Variants in GCM2 observed in about 807,000 individuals in gnomAD.
The protein encoded by GCM2 is chorion-specific transcription factor GCMb.
Under a neutral mutation model 24.8 loss-of-function variants are expected in GCM2, and 21 were observed. The observed-to-expected ratio is 0.85, with a 90% confidence interval of 0.60 to 1.22. The LOEUF is 1.22. Ranked by LOEUF, GCM2 falls within the 50% of genes most tolerant of loss-of-function variation. The pLI, the probability that GCM2 is intolerant of heterozygous loss-of-function variation, is 0.00. For synonymous variants in GCM2, 222 were observed against 238.0 expected (o/e 0.93, Z 0.62); for missense variants, 532 against 645.6 (o/e 0.82, Z 1.91).
At chr6:10,876,202 G>A (rs1779875015) in intron 3 of GCM2, among the ~76,000 whole-genome samples, 186 bp from the exon 4 acceptor site, 1 of 152,104 alleles carries the variant, frequency 6.6e-6, no homozygotes, top group African/African-American at 2.4e-5. Context: ...AAGATCACCT[G>A]CAATCCCTTC....
rs375257444 is a variant in GCM2, at chr6:10,874,417, T to G, written c.1099A>C (p.Arg367=). ...CCTGGTGGTGGAGTCGTGAGGTACC[T>G]GCAGGGAAGCTCTGGGTTATAATAA... The part of the protein sequence containing the change: ...RPYYNPELPC[R]YLTTPPPGAP... Residue 367 remains arginine, a synonymous_variant, in exon 5 of 5, where the codon AGG becomes CGG. Coordinates refer to ENST00000379491, the MANE Select transcript of GCM2 (RefSeq NM_004752.4). 4 of 1,614,078 alleles carry G rather than the reference T, an allele frequency of 2.5e-6. No individual in the cohort carries two copies. Among genetic ancestry groups the G allele is most frequent in the African/African-American group, 1.3e-5 (1 of 74,938 alleles).
At position 10,874,351 on chromosome 6, in the gene GCM2, C is replaced by T; in HGVS notation, c.1165G>A (p.Val389Met). ...GGGGGCTGGTAGGCCTGGTAGGACA[C>T]TTTAGTGGTGGTGGTGATCACGGTT... The part of the protein sequence containing the change: ...LQTVITTTTK[V>M]SYQAYQPPAM... The change falls in exon 5 of 5, where the codon GTG becomes ATG. Residue 389 changes from valine (V) to methionine (M), a missense_variant. Around this residue, in one of 3 missense-constraint regions of GCM2, gnomAD observed 434 missense variants for 521.9 expected, o/e 0.83. Coordinates refer to ENST00000379491, the MANE Select transcript of GCM2 (RefSeq NM_004752.4). 1 of 1,612,558 alleles carries T rather than the reference C, an allele frequency of 6.2e-7. No individual in the cohort carries two copies.
rs1054175807 is a variant in GCM2 at position 10,874,172 on chromosome 6, C to G, written c.1344G>C (p.Met448Ile). The G allele has an allele frequency of 3.1e-6, 5 of 1,614,080 alleles. No homozygotes were observed. The Admixed American group carries it at 8.3e-5, about 27-fold the overall frequency. The change falls in exon 5 of 5, where the codon ATG becomes ATC. Residue 448 changes from methionine (M) to isoleucine (I), a missense_variant. By Grantham distance (10) the Met-to-Ile change is conservative. Around this residue, in one of 3 missense-constraint regions of GCM2, gnomAD observed 434 missense variants for 521.9 expected, o/e 0.83. Transcript: ENST00000379491. ...RAASPSGPPP[M>I]KIAGDCRAIR... ...TGGCCCGGCAATCTCCTGCAATTTTCATAGGAGGTGGCCCTGAAGGAGAGG... is the reference window on the plus strand; with the variant it reads ...TGGCCCGGCAATCTCCTGCAATTTTGATAGGAGGTGGCCCTGAAGGAGAGG...
intron 4 of GCM2, 58 bp downstream of exon 4, chr6:10,875,833 A>G: frequency 1.3e-6 from 2 of 1,559,724 alleles, no homozygotes; most frequent in Non-Finnish European, 1.8e-6. Flanking sequence ...CATAACGATC[A>G]GCGTATCTTG....
chr6:10,881,721 C>T lies in GCM2; in HGVS notation c.73G>A (p.Asp25Asn). Residue 25 changes from aspartate (D) to asparagine (N), a missense_variant, in exon 1 of 5, where the codon GAT (aspartate) becomes AAT (asparagine). By Grantham distance (23) the Asp-to-Asn change is conservative. Transcript: ENST00000379491. ...YGMQLSWDINDPQMPQELALF... is the reference protein window; with the variant it reads ...YGMQLSWDINNPQMPQELALF... ...TCACTTACCTGAGGCATCTGCGGAT[C>T]GTTGATGTCCCAGCTGAGCTGCATC... 6.2e-7 allele frequency: 1 copy of T among 1,611,784 alleles called. No individual in the cohort carries two copies. Among genetic ancestry groups the T allele is most frequent in the East Asian group, 2.2e-5 (1 of 44,874 alleles).
chr6:10,876,328 T>C (rs1779876698), intron 3 of GCM2, 117 bp downstream of exon 3: 1 of 764,560 alleles, frequency 1.3e-6, no homozygotes, highest in African/African-American at 1.7e-5. Flanking sequence ...CACCTATTTC[T>C]GGCCACTGGG....
chr6:10,879,507 G>C (rs1378659764), intron 1 of GCM2, among the ~76,000 whole-genome samples: 2 of 152,200 alleles, frequency 1.3e-5, no homozygotes. Context: ...CACTGAACCT[G>C]ATCGTAGACC....
chr6:10,874,115 T>C lies in GCM2; in HGVS notation c.1401A>G (p.Pro467=), dbSNP rs567065650. The C allele has an allele frequency of 1.9e-6, 3 of 1,614,206 alleles. No homozygotes were observed. Among genetic ancestry groups the C allele is most frequent in the Admixed American group, 3.3e-5 (2 of 60,018 alleles). Residue 467 remains proline, a synonymous_variant, in exon 5 of 5, where the codon CCA becomes CCG. Coordinates refer to ENST00000379491, the MANE Select transcript of GCM2 (RefSeq NM_004752.4). ...IRPTVAIPHE[P]VSSRTDEAET... ...CTGCTTCATCTGTCCTAGAGGAAAC[T>C]GGCTCGTGGGGAATAGCCACAGTGG...
At chr6:10,881,554 ATGTGTGTGTGTGTGTGTGTGTGTGTGTG>A (rs35911329) in intron 1 of GCM2, 122 bp downstream of exon 1, 16 of 430,814 alleles carry the variant, frequency 3.7e-5, no homozygotes, top group South Asian at 1.5e-4. Context: ...TTTTGCGGGT[ATGTGTGTGTGTGTGTGTGTGTGTGTGTG>A]TGTGTGTGTG....
intron 4 of GCM2, 128 bp downstream of exon 4, chr6:10,875,763 G>T: frequency 2.2e-6 from 2 of 918,366 alleles, no homozygotes; most frequent in Non-Finnish European, 3.5e-6. Context: ...TTTTGTTACA[G>T]ACGTATAATT....
intron 1 of GCM2, among the ~76,000 whole-genome samples, 135 bp downstream of exon 1, chr6:10,881,549 CGGGTATGTGTGTGTGTGTGT>C (rs1779957251): frequency 7.4e-6 from 1 of 134,410 alleles, no homozygotes; most frequent in African/African-American, 2.9e-5. Flanking sequence ...AGAAATTTTG[CGGGTATGTGTGTGTGTGTGT>C]GTGTGTGTGT....
At chr6:10,878,615 G>A (rs1213249237) in intron 1 of GCM2, among the ~76,000 whole-genome samples, 1 of 152,150 alleles carries the variant, frequency 6.6e-6, no homozygotes, top group African/African-American at 2.4e-5. Context: ...ACCATGCCCG[G>A]CCACTGAGCA....
intron 1 of GCM2, among the ~76,000 whole-genome samples, chr6:10,878,061 A>G (rs1581806481): frequency 6.6e-6 from 1 of 152,292 alleles, no homozygotes; most frequent in East Asian, 1.9e-4. Flanking sequence ...AGGGTACTGC[A>G]ATGAGGGACT....
At chr6:10,881,051 C>A (rs1312930671) in intron 1 of GCM2, among the ~76,000 whole-genome samples, 1 of 152,222 alleles carries the variant, frequency 6.6e-6, no homozygotes, top group Non-Finnish European at 1.5e-5. Flanking sequence ...GCGTCCCGCT[C>A]TCCCCAAGAC....
chr6:10,881,951 T>C lies in GCM2; in HGVS notation c.-158A>G. ...GAGAAAGAGAGAGAGGCTGTTTAGA[T>C]ATCTGGAAGCTGGGGACAATGGTTA... is the stretch of plus-strand genomic sequence containing the variant. On this transcript the variant is annotated 5_prime_UTR_variant, in exon 1 of 5. It adds an upstream start codon to the 5' untranslated region. Coordinates refer to ENST00000379491, the MANE Select transcript of GCM2 (RefSeq NM_004752.4). The C allele has an allele frequency of 1.5e-6, 1 of 682,464 alleles. No homozygotes were observed. The allele number at this position is 682,464 out of a possible 1,614,324, so 42.3% of individuals were successfully genotyped here.
chr6:10,873,882 T>TG lies in GCM2; in HGVS notation c.*112dup, dbSNP rs1779837551. 2.5e-6 allele frequency: 2 copies of TG among 809,428 alleles called. No homozygotes were observed. The highest frequency in any genetic ancestry group is 4.2e-6 in the Non-Finnish European group (2 of 477,790). 50.1% of individuals were successfully genotyped at this position (809,428 alleles called of 1,614,324 possible). A position where few individuals can be genotyped will look rare whatever the true frequency, so the allele number is the denominator to read the frequency against. Reference sequence around the variant, plus strand: ...TACTCAGAATTTTTACTACTATCTGTGTTTCTTTGCACACAAGGTGAATCT... The same window carrying TG: ...TACTCAGAATTTTTACTACTATCTGTGGTTTCTTTGCACACAAGGTGAATCT... On this transcript the variant is annotated 3_prime_UTR_variant, in exon 5 of 5. Transcript: ENST00000379491.
In GCM2 at chr6:10,874,106, A is replaced by G. The variant is rs147308895; in HGVS notation, c.1410T>C (p.Ser470=). 31 of 1,614,090 alleles carry G rather than the reference A, an allele frequency of 1.9e-5. No homozygotes were observed. Among genetic ancestry groups the G allele is most frequent in the Middle Eastern group, 1.6e-4 (1 of 6,084 alleles). The change falls in exon 5 of 5, where the codon TCT becomes TCC. Residue 470 remains serine (S), a synonymous_variant. Coordinates refer to ENST00000379491, the MANE Select transcript of GCM2 (RefSeq NM_004752.4). ...CCCAAGTCTCTGCTTCATCTGTCCT[A>G]GAGGAAACTGGCTCGTGGGGAATAG... ...TVAIPHEPVS[S]RTDEAETWDV...
At chr6:10,881,419 A>C (rs1779955586) in intron 1 of GCM2, among the ~76,000 whole-genome samples, 1 of 152,040 alleles carries the variant, frequency 6.6e-6, no homozygotes. Context: ...CAGCCTCCCA[A>C]AGTGCTGGGA....
rs1260165935 is a variant in GCM2 at position 10,874,513 on chromosome 6, G to T, written c.1003C>A (p.Pro335Thr). Residue 335 changes from proline to threonine, a missense_variant, in exon 5 of 5, where the codon CCA becomes ACA. Pro to Thr is a conservative substitution (Grantham distance 38, BLOSUM62 -1). Around this residue, in one of 3 missense-constraint regions of GCM2, gnomAD observed 434 missense variants for 521.9 expected, o/e 0.83. Transcript: ENST00000379491. Reference sequence around the variant, plus strand: ...ACAAGGCTGGGTTTTCCAAGAGCTGGTTTCCAGCCATGCTGTTTGTTGGTG... The same window carrying T: ...ACAAGGCTGGGTTTTCCAAGAGCTGTTTTCCAGCCATGCTGTTTGTTGGTG... ...DFTNKQHGWK[P>T]ALGKPSLVER... 1 of 1,614,202 alleles carries T rather than the reference G, an allele frequency of 6.2e-7. No individual in the cohort carries two copies. The highest frequency in any genetic ancestry group is 8.5e-7 in the Non-Finnish European group (1 of 1,180,040).
Sources: allele counts gnomAD v4.1 joint callset (sites outside exome capture counted in the v4.1 genomes callset), GRCh38; gene constraint gnomAD v4.1.1; regional missense constraint gnomAD v4.1.1; transcripts MANE v1.5; gene names NCBI Gene and HGNC (gene_info 2026-07-23, HGNC 2026-07-21).